SLC25A16: variants seen among roughly 807,000 people sequenced by gnomAD.
The protein encoded by SLC25A16 is mitochondrial coenzyme A transporter SLC25A16.
In SLC25A16, 39 loss-of-function variants were observed where a neutral mutation model predicts 41.5. The ratio of observed to expected loss-of-function variants is 0.94; its 90% CI spans 0.73 to 1.23. The LOEUF is 1.23. Ranked by LOEUF, SLC25A16 falls within the 50% of genes most tolerant of loss-of-function variation. The probability of loss-of-function intolerance (pLI) is 0.00; values close to 1 mark genes in which losing one functional copy is unlikely to be tolerated. For missense variants in SLC25A16, 421 were observed against 426.9 expected, an observed-to-expected ratio of 0.99 and a Z score of 0.12; for synonymous variants, 146 against 147.8, an observed-to-expected ratio of 0.99 and a Z score of 0.09.
intron 1 of SLC25A16, among the ~76,000 whole-genome samples, chr10:68,523,595 C>T (rs576048061): frequency 1.3e-5 from 2 of 152,108 alleles, no homozygotes; most frequent in African/African-American, 2.4e-5. Flanking sequence ...GCCTCAGCTT[C>T]CCAAGTAGCT....
chr10:68,520,559 C>A (rs2053233565), intron 1 of SLC25A16, among the ~76,000 whole-genome samples: 1 of 151,994 alleles, frequency 6.6e-6, no homozygotes, highest in Non-Finnish European at 1.5e-5. Context: ...CACCTGTAAT[C>A]CCAGCACTTT....
intron 2 of SLC25A16, among the ~76,000 whole-genome samples, chr10:68,511,653 C>T (rs1024375550): frequency 1.3e-5 from 2 of 152,092 alleles, no homozygotes; most frequent in Non-Finnish European, 2.9e-5. Context: ...TAATTTCCTT[C>T]CTTTCCAGTT....
chr10:68,488,264 G>A (rs1215221812), intron 7 of SLC25A16, among the ~76,000 whole-genome samples: 1 of 151,828 alleles, frequency 6.6e-6, no homozygotes, highest in Non-Finnish European at 1.5e-5. Flanking sequence ...ACAATAGGCA[G>A]CACTACTGCA....
At chr10:68,513,229 T>TAA (rs1410802226) in intron 2 of SLC25A16, among the ~76,000 whole-genome samples, 1 of 149,976 alleles carries the variant, frequency 6.7e-6, no homozygotes, top group African/African-American at 2.4e-5. Context: ...CCAAACATAG[T>TAA]GAAACCCCGT....
intron 1 of SLC25A16, among the ~76,000 whole-genome samples, chr10:68,525,394 C>T (rs999265939): frequency 6.6e-6 from 1 of 152,122 alleles, no homozygotes; most frequent in Non-Finnish European, 1.5e-5. Flanking sequence ...CCTTAGTCTC[C>T]CAAAGTGCTG....
At chr10:68,489,413 T>C (rs2052619713) in intron 6 of SLC25A16, among the ~76,000 whole-genome samples, 1 of 152,180 alleles carries the variant, frequency 6.6e-6, no homozygotes, top group Non-Finnish European at 1.5e-5. Context: ...GAGAGAAGCG[T>C]TTATGTTAAT....
At chr10:68,519,482 T>C (rs2053215862) in intron 1 of SLC25A16, among the ~76,000 whole-genome samples, 1 of 137,990 alleles carries the variant, frequency 7.2e-6, no homozygotes, top group Non-Finnish European at 1.6e-5. Context: ...TGAGACTCCA[T>C]CTCAAAAAAA....
At chr10:68,513,166 G>A (rs1008176479) in intron 2 of SLC25A16, among the ~76,000 whole-genome samples, 13 of 150,876 alleles carry the variant, frequency 8.6e-5, no homozygotes, top group African/African-American at 2.9e-4. Flanking sequence ...GGGAACAAGT[G>A]AGACCTACTC....
At chr10:68,483,731 T>G in intron 8 of SLC25A16, 143 bp from the exon 9 acceptor site, 1 of 583,484 alleles carries the variant, frequency 1.7e-6, no homozygotes, top group Non-Finnish European at 2.8e-6. Flanking sequence ...GGCATGATCT[T>G]GGCTCACTGC....
intron 8 of SLC25A16, among the ~76,000 whole-genome samples, chr10:68,485,037 T>A (rs1169948146): frequency 2.6e-5 from 4 of 152,222 alleles, no homozygotes; most frequent in African/African-American, 9.6e-5. Flanking sequence ...GTTGAGGTGA[T>A]AAAAGTTTAG....
intron 1 of SLC25A16, among the ~76,000 whole-genome samples, chr10:68,524,957 G>GA (rs1378248210): frequency 6.7e-6 from 1 of 150,140 alleles, no homozygotes. Context: ...TGGGTCAGCA[G>GA]AATCACTTGA....
intron 1 of SLC25A16, among the ~76,000 whole-genome samples, chr10:68,526,573 C>G (rs969729368): frequency 6.6e-6 from 1 of 152,098 alleles, no homozygotes; most frequent in Admixed American, 6.6e-5. Context: ...TTTTTCTTTC[C>G]TAAGTCTCTC....
At chr10:68,483,876 C>T (rs1323948498) in intron 8 of SLC25A16, among the ~76,000 whole-genome samples, 1 of 152,074 alleles carries the variant, frequency 6.6e-6, no homozygotes, top group Admixed American at 6.6e-5. Context: ...GTTGCCCAGG[C>T]CAGTCTCAAA....
At chr10:68,521,267 G>A (rs992243785) in intron 1 of SLC25A16, among the ~76,000 whole-genome samples, 1 of 152,088 alleles carries the variant, frequency 6.6e-6, no homozygotes, top group African/African-American at 2.4e-5. Context: ...GGCCGGCTGT[G>A]GTGGTTAATG....
In SLC25A16 at chr10:68,509,112, G is replaced by A. The variant is rs184845131; in HGVS notation, c.224-2394C>T. 5.5e-3 allele frequency among the ~76,000 whole-genome samples: 842 copies of A among 152,084 alleles called. 38 individuals carry two copies. The highest frequency in any genetic ancestry group is 0.044 in the Admixed American group (674 of 15,238). On this transcript the variant is annotated intron_variant, in intron 2 of 8. Coordinates refer to ENST00000609923, the MANE Select transcript of SLC25A16 (RefSeq NM_152707.4). ...TAGCACTTTGGGAGGCAGAGGCAGC[G>A]GATCACTTGAGGTCAGGAGTTCAAG...
chr10:68,527,118 C>T, intron 1 of SLC25A16, 128 bp downstream of exon 1: 1 of 978,058 alleles, frequency 1.0e-6, no homozygotes, highest in Non-Finnish European at 1.5e-6. Context: ...CAGGTCAGGG[C>T]AGACATCTAA....
chr10:68,517,595 G>A (rs1418956226), intron 1 of SLC25A16: 2 of 152,144 alleles, frequency 1.3e-5, no homozygotes, highest in Non-Finnish European at 2.9e-5. Context: ...ACTTTCGGAG[G>A]CTGAGGTAGA....
chr10:68,485,798 A>ATTT (rs574917604), intron 8 of SLC25A16, among the ~76,000 whole-genome samples: 2,851 of 123,210 alleles, frequency 0.023, 144 homozygotes, highest in African/African-American at 0.083. Context: ...CCTAAGCAAT[A>ATTT]TTTTTTTTTT....
rs1564913315 is a variant in SLC25A16, at chr10:68,493,556, T to C, written c.436A>G (p.Ile146Val). Residue 146 changes from isoleucine to valine, a missense_variant, in exon 5 of 9, where the codon ATC becomes GTC. By Grantham distance (29) the Ile-to-Val change is conservative. Transcript: ENST00000609923. ...AGSMAGMTAV[I>V]CTYPLDMVRV... ...ACCATGTCAAGAGGGTAAGTACAGATAACTGCTGTCATACCTGAAAAGAAA... is the reference window on the plus strand; with the variant it reads ...ACCATGTCAAGAGGGTAAGTACAGACAACTGCTGTCATACCTGAAAAGAAA... 3 of 1,612,818 alleles carry C rather than the reference T, an allele frequency of 1.9e-6. No individual in the cohort carries two copies. Among genetic ancestry groups the C allele is most frequent in the Non-Finnish European group, 2.5e-6 (3 of 1,178,992 alleles).
Sources: allele counts gnomAD v4.1 joint callset (sites outside exome capture counted in the v4.1 genomes callset), GRCh38; gene constraint gnomAD v4.1.1; transcripts MANE v1.5; gene names NCBI Gene and HGNC (gene_info 2026-07-23, HGNC 2026-07-21).